The following TBC1D12 variants were observed in gnomAD, a reference collection of about 807,000 sequenced individuals.
The protein encoded by TBC1D12 is TBC1 domain family member 12.
A neutral mutation model predicts 86.7 loss-of-function variants in TBC1D12; 56 were observed. The ratio of observed to expected loss-of-function variants is 0.65; its 90% CI spans 0.52 to 0.81. The LOEUF is 0.81. TBC1D12 is among the 30% of genes least tolerant of loss of function. TBC1D12 has a pLI of 0.00. For missense variants in TBC1D12, 1,023 were observed against 1,038.8 expected, an observed-to-expected ratio of 0.98 and a Z score of 0.21; for synonymous variants, 421 against 411.7, an observed-to-expected ratio of 1.02 and a Z score of -0.27.
chr10:94,471,856 T>C (rs2055912222), intron 2 of TBC1D12, among the ~76,000 whole-genome samples: 1 of 152,226 alleles, frequency 6.6e-6, no homozygotes, highest in Non-Finnish European at 1.5e-5. Context: ...TGTATTAGCT[T>C]ATTTGGTTAT....
In TBC1D12 at chr10:94,533,199, A is replaced by G. The variant is rs910726970; in HGVS notation, c.*103A>G. 4.7e-6 allele frequency: 3 copies of G among 631,974 alleles called. No individual in the cohort carries two copies. The highest frequency in any genetic ancestry group is 3.4e-5 in the Admixed American group (1 of 29,330). 39.1% of individuals were successfully genotyped at this position (631,974 alleles called of 1,614,324 possible). ...GTGGAAGAAAATGTTGGAGATACCT[A>G]AAAGAATCAAGAGGTGGAAAACTGC... On this transcript the variant is annotated 3_prime_UTR_variant, in exon 13 of 13. Coordinates refer to ENST00000225235, the MANE Select transcript of TBC1D12 (RefSeq NM_015188.2).
intron 2 of TBC1D12, 79 bp downstream of exon 2, chr10:94,442,098 T>C: frequency 1.2e-6 from 1 of 850,376 alleles, no homozygotes; most frequent in Non-Finnish European, 1.7e-6. Flanking sequence ...TTTTTTTTTT[T>C]TAAACTAACC....
chr10:94,486,876 C>A (rs1245607693), intron 3 of TBC1D12, among the ~76,000 whole-genome samples: 2 of 152,150 alleles, frequency 1.3e-5, no homozygotes, highest in African/African-American at 4.8e-5. Flanking sequence ...GATTTTCTAT[C>A]TGGAAGATAT....
At chr10:94,502,540 A>G (rs1440311068) in intron 6 of TBC1D12, among the ~76,000 whole-genome samples, 1 of 151,978 alleles carries the variant, frequency 6.6e-6, no homozygotes, top group African/African-American at 2.4e-5. Context: ...CCCCGTCTCT[A>G]CAAAAAAAAT....
At position 94,534,887 on chromosome 10, in the gene TBC1D12, T is replaced by C. The variant is rs527952004; in HGVS notation, c.*1791T>C. 3.9e-5 allele frequency: 6 copies of C among 152,250 alleles called. No individual in the cohort carries two copies. The highest frequency in any genetic ancestry group is 1.4e-4 in the African/African-American group (6 of 41,562). 9.4% of individuals were successfully genotyped at this position (152,250 alleles called of 1,614,324 possible). A position where few individuals can be genotyped will look rare whatever the true frequency, so the allele number is the denominator to read the frequency against. ...TTGAAACTCTTCACAATGTGCTGCA[T>C]TGGGTTTCTGCTTGGCTTTCTCACT... On this transcript the variant is annotated 3_prime_UTR_variant, in exon 13 of 13. Coordinates refer to ENST00000225235, the MANE Select transcript of TBC1D12 (RefSeq NM_015188.2).
At chr10:94,441,503 A>G (rs941583198) in intron 1 of TBC1D12, among the ~76,000 whole-genome samples, 2 of 152,110 alleles carry the variant, frequency 1.3e-5, no homozygotes, top group Admixed American at 6.5e-5. Flanking sequence ...ATTTATGGCT[A>G]TCATTTTCCT....
At chr10:94,508,527 TTATC>T (rs1358008429) in intron 7 of TBC1D12, 8 of 152,012 alleles carry the variant, frequency 5.3e-5, no homozygotes, top group Non-Finnish European at 1.2e-4. Context: ...TTCTTCTGGT[TTATC>T]TAGTCTGCTA....
Position 94,533,140 on chromosome 10 carries a change from T to C in TBC1D12, c.*44T>C. On this transcript the variant is annotated 3_prime_UTR_variant, in exon 13 of 13. Transcript: ENST00000225235. ...TAACTGACATAGAAAAAGTGGTTTT[T>C]GGATAAAGGTTTTTTGTTTCCTATG... 1.5e-6 allele frequency: 2 copies of C among 1,301,110 alleles called. No individual in the cohort carries two copies. The highest frequency in any genetic ancestry group is 1.4e-5 in the South Asian group (1 of 72,618). 80.6% of individuals were successfully genotyped at this position (1,301,110 alleles called of 1,614,324 possible).
At chr10:94,460,597 A>G (rs1206029072) in intron 2 of TBC1D12, among the ~76,000 whole-genome samples, 1 of 147,962 alleles carries the variant, frequency 6.8e-6, no homozygotes, top group African/African-American at 2.5e-5. Context: ...TGTTTATCCT[A>G]TTTGATGTTC....
intron 3 of TBC1D12, among the ~76,000 whole-genome samples, chr10:94,492,021 T>C (rs947286549): frequency 1.5e-4 from 23 of 152,228 alleles, no homozygotes; most frequent in African/African-American, 5.1e-4. Context: ...GTGTTACTGT[T>C]GCACCTTAAA....
chr10:94,480,550 G>A (rs767146508), intron 3 of TBC1D12, among the ~76,000 whole-genome samples: 16 of 151,856 alleles, frequency 1.1e-4, no homozygotes, highest in Non-Finnish European at 2.2e-4. Flanking sequence ...AATTCTGCTC[G>A]CCTTGCTTTA....
chr10:94,410,794 C>A (rs1398951199), intron 1 of TBC1D12, among the ~76,000 whole-genome samples: 1 of 152,116 alleles, frequency 6.6e-6, no homozygotes, highest in Non-Finnish European at 1.5e-5. Flanking sequence ...GGTTTTTGTC[C>A]TAGGTAACAA....
chr10:94,529,243 A>G (rs1394579154), intron 11 of TBC1D12, among the ~76,000 whole-genome samples: 5 of 152,270 alleles, frequency 3.3e-5, no homozygotes, highest in Admixed American at 1.3e-4. Context: ...CCTGGATGCA[A>G]GCGATCCTCC....
chr10:94,525,694 C>T (rs150483513), intron 11 of TBC1D12, among the ~76,000 whole-genome samples: 33 of 151,108 alleles, frequency 2.2e-4, no homozygotes, highest in Middle Eastern at 3.5e-3. Flanking sequence ...ACAAAAAAAC[C>T]GTAATTGCAA....
intron 2 of TBC1D12, among the ~76,000 whole-genome samples, chr10:94,465,781 TAC>T (rs1228136786): frequency 3.4e-5 from 5 of 149,220 alleles, no homozygotes; most frequent in Non-Finnish European, 7.4e-5. Context: ...TACGCATACA[TAC>T]ATACATATAC....
chr10:94,426,649 C>G (rs1366213042), intron 1 of TBC1D12, among the ~76,000 whole-genome samples: 1 of 152,172 alleles, frequency 6.6e-6, no homozygotes, highest in Non-Finnish European at 1.5e-5. Flanking sequence ...ACGATCTCGG[C>G]TCACTGCAAC....
At chr10:94,432,185 C>T (rs1030716841) in intron 1 of TBC1D12, among the ~76,000 whole-genome samples, 32 of 151,990 alleles carry the variant, frequency 2.1e-4, no homozygotes, top group African/African-American at 7.3e-4. Context: ...AAAGGTGATA[C>T]GGAGGAATGT....
At chr10:94,518,377 C>A (rs962152247) in intron 9 of TBC1D12, among the ~76,000 whole-genome samples, 1 of 151,910 alleles carries the variant, frequency 6.6e-6, no homozygotes, top group Non-Finnish European at 1.5e-5. Flanking sequence ...CCATGCCTGG[C>A]TAATTTTTGT....
chr10:94,521,242 A>C (rs1178882496), intron 9 of TBC1D12, among the ~76,000 whole-genome samples: 1 of 151,494 alleles, frequency 6.6e-6, no homozygotes, highest in Admixed American at 6.6e-5. Context: ...AAAAAACAAA[A>C]AAAAAACAGG....
Sources: allele counts gnomAD v4.1 joint callset (sites outside exome capture counted in the v4.1 genomes callset), GRCh38; gene constraint gnomAD v4.1.1; transcripts MANE v1.5; gene names NCBI Gene and HGNC (gene_info 2026-07-23, HGNC 2026-07-21).